AGBL1: variants seen among roughly 807,000 people sequenced by gnomAD.
The protein encoded by AGBL1 is cytosolic carboxypeptidase 4.
A neutral mutation model predicts 118.9 loss-of-function variants in AGBL1; 130 were observed. That is an observed-to-expected ratio of 1.09 (90% confidence interval 0.95 to 1.26). AGBL1 has a LOEUF of 1.26. AGBL1 is among the 50% of genes most tolerant of loss of function. The probability of loss-of-function intolerance (pLI) is 0.00; values close to 1 mark genes in which losing one functional copy is unlikely to be tolerated. For synonymous variants in AGBL1, 555 were observed against 478.9 expected (o/e 1.16, Z -2.08); for missense variants, 1,584 against 1,298.1 (o/e 1.22, Z -3.38).
rs149174113 is a variant in AGBL1 at position 86,501,029 on chromosome 15, C to T, written c.2556-21781C>T. On this transcript the variant is annotated intron_variant, in intron 18 of 22. Coordinates refer to ENST00000614907, the MANE Select transcript of AGBL1 (RefSeq NM_001386094.1). ...GATATATATCCAGGAGTAGAATTGT[C>T]GGATCATATGGTGCTGGGTCATATG... Among the ~76,000 whole-genome samples the T allele has an allele frequency of 1.6e-3, 239 of 151,672 alleles. 3 individuals are homozygous for T. The highest frequency in any genetic ancestry group is 2.8e-3 in the Non-Finnish European group (191 of 67,720).
At chr15:86,813,779 A>AGG (rs2078823825) in intron 22 of AGBL1, among the ~76,000 whole-genome samples, 1 of 152,244 alleles carries the variant, frequency 6.6e-6, no homozygotes, top group South Asian at 2.1e-4. Flanking sequence ...CAAACTACAT[A>AGG]GCATTCAAGA....
At chr15:86,290,101 C>T (rs1166542775) in intron 16 of AGBL1, among the ~76,000 whole-genome samples, 2 of 152,046 alleles carry the variant, frequency 1.3e-5, no homozygotes, top group Non-Finnish European at 1.5e-5. Flanking sequence ...CCACCTTTTT[C>T]CTCCCTTGTA....
intron 22 of AGBL1, among the ~76,000 whole-genome samples, chr15:86,715,862 T>G (rs996414332): frequency 2.6e-5 from 4 of 151,848 alleles, no homozygotes; most frequent in Non-Finnish European, 4.4e-5. Flanking sequence ...ATCGAGACCA[T>G]CCTGGCTAAC....
chr15:86,748,510 C>CTTTTTTTTTTTTTTT lies in AGBL1; in HGVS notation c.3158+74096_3158+74110dup, dbSNP rs752203969. ...ATTAGATCCCATTTGTCAATTTTGG[C>CTTTTTTTTTTTTTTT]TTTTTTTTTTTTTTTTTTTTTTTTT... On this transcript the variant is annotated intron_variant, in intron 22 of 22. Transcript: ENST00000614907. Among the ~76,000 whole-genome samples, 64 of 9,776 alleles carry CTTTTTTTTTTTTTTT rather than the reference C, an allele frequency of 6.5e-3. 24 individuals are homozygous for CTTTTTTTTTTTTTTT. Among genetic ancestry groups the CTTTTTTTTTTTTTTT allele is most frequent in the East Asian group, 0.017 (3 of 172 alleles). 6.4% of individuals were successfully genotyped at this position (9,776 alleles called of 152,430 possible).
intron 17 of AGBL1, among the ~76,000 whole-genome samples, chr15:86,306,928 A>C (rs1224086720): frequency 1.3e-5 from 2 of 152,132 alleles, no homozygotes; most frequent in Non-Finnish European, 2.9e-5. Flanking sequence ...GATGTTGAGC[A>C]CCTTTTCATG....
chr15:86,466,475 C>T (rs1482727838), intron 18 of AGBL1, among the ~76,000 whole-genome samples: 1 of 152,144 alleles, frequency 6.6e-6, no homozygotes, highest in Non-Finnish European at 1.5e-5. Flanking sequence ...TATTACCCAC[C>T]TTCTGAAGCC....
chr15:86,659,835 C>T (rs529592534), intron 21 of AGBL1, among the ~76,000 whole-genome samples: 1 of 152,200 alleles, frequency 6.6e-6, no homozygotes, highest in African/African-American at 2.4e-5. Flanking sequence ...GCTGTTCCCT[C>T]CTGAGCACTT....
chr15:86,843,235 C>T (rs2079270208), intron 22 of AGBL1, among the ~76,000 whole-genome samples: 1 of 152,132 alleles, frequency 6.6e-6, no homozygotes, highest in Non-Finnish European at 1.5e-5. Flanking sequence ...ATTGGATCAG[C>T]AAGACTTCAC....
intron 22 of AGBL1, among the ~76,000 whole-genome samples, chr15:86,838,819 C>T (rs577279622): frequency 6.6e-6 from 1 of 151,392 alleles, no homozygotes; most frequent in East Asian, 2.0e-4. Flanking sequence ...TGGTGCATGC[C>T]TGTGGTCCCA....
chr15:87,027,587 G>A (rs1176283280), intron 24 of AGBL1, among the ~76,000 whole-genome samples: 1 of 151,796 alleles, frequency 6.6e-6, no homozygotes, highest in East Asian at 1.9e-4. Context: ...GCACGTTTAT[G>A]TTCATGGCAG....
chr15:87,022,623 A>G (rs193261302), intron 24 of AGBL1, among the ~76,000 whole-genome samples: 14 of 152,226 alleles, frequency 9.2e-5, no homozygotes, highest in Non-Finnish European at 2.1e-4. Context: ...GAAATTCATC[A>G]CAAAAAGATC....
Position 87,001,061 on chromosome 15 carries a change from T to G in AGBL1, c.3323+12973T>G, listed in dbSNP as rs373358811. Among the ~76,000 whole-genome samples the G allele has an allele frequency of 4.0e-5, 5 of 124,356 alleles. No individual in the cohort carries two copies. In the East Asian group the frequency reaches 1.2e-3, roughly 29 times the overall value. 81.6% of individuals were successfully genotyped at this position (124,356 alleles called of 152,430 possible). A position where few individuals can be genotyped will look rare whatever the true frequency, so the allele number is the denominator to read the frequency against. On this transcript the variant is annotated intron_variant, in intron 24 of 24. Coordinates refer to the AGBL1 transcript ENST00000441037. ...TGTTGGTGTATAAGAATGCTTGTGATTTTTGTACATTGATTTTGTATCCTG... is the reference window on the plus strand; with the variant it reads ...TGTTGGTGTATAAGAATGCTTGTGAGTTTTGTACATTGATTTTGTATCCTG...
intron 21 of AGBL1, among the ~76,000 whole-genome samples, chr15:86,600,549 C>T (rs116166839): frequency 6.6e-6 from 1 of 152,184 alleles, no homozygotes; most frequent in African/African-American, 2.4e-5. Flanking sequence ...AATAGTCATC[C>T]CCTGGCAGTA....
intron 6 of AGBL1, among the ~76,000 whole-genome samples, chr15:86,234,542 C>G (rs1456982725): frequency 8.0e-6 from 1 of 124,322 alleles, no homozygotes; most frequent in African/African-American, 3.2e-5. Context: ...CAGAGTGAGA[C>G]TCTATCTCAA....
chr15:86,399,200 G>A (rs1596067218), intron 18 of AGBL1, among the ~76,000 whole-genome samples: 1 of 152,078 alleles, frequency 6.6e-6, no homozygotes, highest in Non-Finnish European at 1.5e-5. Context: ...AGCAGTGTTC[G>A]CTCCTGGTCA....
At chr15:86,356,171 G>A (rs532503104) in intron 17 of AGBL1, among the ~76,000 whole-genome samples, 53 of 152,284 alleles carry the variant, frequency 3.5e-4, no homozygotes, top group Non-Finnish European at 5.9e-4. Context: ...TTGAGGCTGG[G>A]AAGGGGTAAT....
intron 22 of AGBL1, among the ~76,000 whole-genome samples, chr15:86,870,494 A>G (rs941485071): frequency 4.9e-4 from 64 of 130,352 alleles, no homozygotes; most frequent in African/African-American, 1.2e-3. Flanking sequence ...AAAAAAAAAA[A>G]AAGAAGAAAC....
intron 21 of AGBL1, among the ~76,000 whole-genome samples, chr15:86,643,385 GC>G (rs1002780050): frequency 6.6e-6 from 1 of 151,928 alleles, no homozygotes; most frequent in Non-Finnish European, 1.5e-5. Context: ...CATTCTACTT[GC>G]AATTCTCCTA....
chr15:86,457,387 G>A (rs561370402), intron 18 of AGBL1, among the ~76,000 whole-genome samples: 2 of 152,210 alleles, frequency 1.3e-5, no homozygotes, highest in African/African-American at 2.4e-5. Context: ...GTTCGTCGCA[G>A]CCTCTGCACC....
Sources: gnomAD v4.1 joint callset for allele counts (sites outside exome capture counted in the v4.1 genomes callset) on GRCh38, gnomAD v4.1.1 for gene constraint, MANE v1.5 for transcripts, NCBI Gene and HGNC (gene_info 2026-07-23, HGNC 2026-07-21) for gene names.